The following KLF12 variants were observed in gnomAD, a reference collection of about 807,000 sequenced individuals.
The protein encoded by KLF12 is KLF transcription factor 12.
In KLF12, 9 loss-of-function variants were observed where a neutral mutation model predicts 37.8. The observed-to-expected ratio is 0.24, with a 90% confidence interval of 0.14 to 0.42. The LOEUF (loss-of-function observed/expected upper bound fraction) is 0.42, where lower values mean the gene tolerates loss of function less well. Among genes scored for constraint, KLF12 ranks in the 10% least tolerant of loss-of-function variants. KLF12 has a pLI of 1.00. For missense variants in KLF12, 411 were observed against 516.0 expected (o/e 0.80, Z 1.97); for synonymous variants, 208 against 202.1 (o/e 1.03, Z -0.25).
the KLF12 span, among the ~76,000 whole-genome samples, chr13:74,165,299 C>CTTTTTTTTTTTTT: frequency 4.1e-5 from 4 of 98,320 alleles, no homozygotes; most frequent in Non-Finnish European, 5.9e-5. Context: ...ATTTTCTTTT[C>CTTTTTTTTTTTTT]TTTTTTTTTT....
chr13:73,811,785 T>A (rs1345577623), intron 5 of KLF12, among the ~76,000 whole-genome samples: 1 of 152,216 alleles, frequency 6.6e-6, no homozygotes, highest in African/African-American at 2.4e-5. Context: ...TCTTGTTTTC[T>A]CTGATGTATT....
chr13:73,932,776 C>A (rs938744918), intron 3 of KLF12, among the ~76,000 whole-genome samples: 2 of 152,120 alleles, frequency 1.3e-5, no homozygotes, highest in African/African-American at 4.8e-5. Flanking sequence ...AAAGAGTTCA[C>A]ATTTACTGTA....
At chr13:73,890,349 G>C (rs1887444167) in intron 3 of KLF12, among the ~76,000 whole-genome samples, 1 of 151,944 alleles carries the variant, frequency 6.6e-6, no homozygotes, top group Non-Finnish European at 1.5e-5. Flanking sequence ...TTTCTGACTA[G>C]AAACCCCACT....
chr13:74,133,237 C>T (rs2139038509), intron 1 of KLF12, among the ~76,000 whole-genome samples: 1 of 152,124 alleles, frequency 6.6e-6, no homozygotes, highest in East Asian at 1.9e-4. Context: ...CTCCAGCGCG[C>T]ACACACAGCC....
At chr13:73,857,523 A>T (rs906018293) in intron 3 of KLF12, among the ~76,000 whole-genome samples, 16 of 152,176 alleles carry the variant, frequency 1.1e-4, no homozygotes, top group Non-Finnish European at 1.0e-4. Context: ...TCTTAAGGTG[A>T]AATTATCTAC....
intron 6 of KLF12, among the ~76,000 whole-genome samples, chr13:73,754,668 C>T (rs529296877): frequency 1.3e-5 from 2 of 152,152 alleles, no homozygotes; most frequent in African/African-American, 4.8e-5. Flanking sequence ...AGTAACAAGG[C>T]TACTGCTGGC....
chr13:73,757,109 A>G (rs1879223245), intron 6 of KLF12, among the ~76,000 whole-genome samples: 1 of 152,212 alleles, frequency 6.6e-6, no homozygotes, highest in Non-Finnish European at 1.5e-5. Context: ...CTATGCATGT[A>G]ACAAAATTAC....
chr13:74,098,024 C>T (rs896879096), intron 1 of KLF12, among the ~76,000 whole-genome samples: 3 of 152,112 alleles, frequency 2.0e-5, no homozygotes, highest in African/African-American at 7.2e-5. Flanking sequence ...CAGGCTACTA[C>T]TAGCCTCGAC....
At chr13:73,762,355 C>G (rs1223410619) in intron 6 of KLF12, among the ~76,000 whole-genome samples, 2 of 152,146 alleles carry the variant, frequency 1.3e-5, no homozygotes, top group African/African-American at 4.8e-5. Flanking sequence ...CAATATCATG[C>G]AAAGAAAAAT....
At chr13:73,866,071 C>T (rs922632065) in intron 3 of KLF12, among the ~76,000 whole-genome samples, 4 of 152,112 alleles carry the variant, frequency 2.6e-5, no homozygotes, top group African/African-American at 9.7e-5. Context: ...GCCTGGCCAA[C>T]AGGGCGAAAC....
At chr13:73,736,316 T>C (rs1877462774) in intron 6 of KLF12, among the ~76,000 whole-genome samples, 2 of 152,192 alleles carry the variant, frequency 1.3e-5, no homozygotes, top group South Asian at 4.1e-4. Flanking sequence ...AAGGATATCA[T>C]CTCTAGAAAG....
chr13:74,175,873 T>C, the KLF12 span, among the ~76,000 whole-genome samples: 2 of 152,202 alleles, frequency 1.3e-5, no homozygotes, highest in African/African-American at 2.4e-5. Flanking sequence ...GGGTGCCTCA[T>C]AACACATCAT....
intron 1 of KLF12, among the ~76,000 whole-genome samples, chr13:74,069,367 A>C (rs1874095591): frequency 6.6e-6 from 1 of 152,198 alleles, no homozygotes; most frequent in African/African-American, 2.4e-5. Context: ...AGCATGGAAA[A>C]GAAAATAAGT....
chr13:73,710,386 G>C (rs1172458004), intron 7 of KLF12, among the ~76,000 whole-genome samples: 2 of 115,268 alleles, frequency 1.7e-5, no homozygotes, highest in African/African-American at 7.1e-5. Context: ...GTCTGTGTGT[G>C]TGTGTGTGTG....
chr13:73,948,669 T>C (rs1218351024), intron 2 of KLF12, among the ~76,000 whole-genome samples: 2 of 152,218 alleles, frequency 1.3e-5, no homozygotes, highest in Non-Finnish European at 2.9e-5. Context: ...ATTCAACTTC[T>C]CTCACTTCTA....
chr13:73,863,747 T>C (rs557443805), intron 3 of KLF12, among the ~76,000 whole-genome samples: 8 of 152,160 alleles, frequency 5.3e-5, no homozygotes, highest in Non-Finnish European at 1.2e-4. Context: ...TTTCTAGTTT[T>C]AAACTTCTGG....
At chr13:73,962,632 A>G (rs1891054080) in intron 2 of KLF12, among the ~76,000 whole-genome samples, 1 of 152,234 alleles carries the variant, frequency 6.6e-6, no homozygotes, top group Non-Finnish European at 1.5e-5. Context: ...TTTGCTGTGC[A>G]TTCAAAATTC....
intron 5 of KLF12, among the ~76,000 whole-genome samples, chr13:73,793,954 A>G (rs1046899637): frequency 1.3e-5 from 2 of 152,224 alleles, no homozygotes; most frequent in African/African-American, 4.8e-5. Flanking sequence ...TTTTTCAAGT[A>G]TGTTGATAAA....
At chr13:74,012,409 C>T (rs1470112055) in intron 1 of KLF12, among the ~76,000 whole-genome samples, 1 of 152,192 alleles carries the variant, frequency 6.6e-6, no homozygotes, top group Non-Finnish European at 1.5e-5. Flanking sequence ...TTCCTGAGTA[C>T]ACTGTTTCAT....
Sources: allele counts gnomAD v4.1 joint callset (sites outside exome capture counted in the v4.1 genomes callset), GRCh38; gene constraint gnomAD v4.1.1; transcripts MANE v1.5; gene names NCBI Gene and HGNC (gene_info 2026-07-23, HGNC 2026-07-21).